The following BBS9 variants were observed in gnomAD, a reference collection of about 807,000 sequenced individuals.
The protein encoded by BBS9 is protein PTHB1.
A neutral mutation model predicts 117.7 loss-of-function variants in BBS9; 89 were observed. That is an observed-to-expected ratio of 0.76 (90% CI 0.64 to 0.90). The LOEUF (loss-of-function observed/expected upper bound fraction) is 0.90. Ranked by LOEUF, BBS9 falls within the 40% of genes least tolerant of loss-of-function variation. BBS9 has a pLI of 0.00. For missense variants in BBS9, 982 were observed against 1,042.2 expected (o/e 0.94, Z 0.80); for synonymous variants, 379 against 370.9 (o/e 1.02, Z -0.25).
At chr7:33,364,737 C>T (rs1203439205) in intron 16 of BBS9, among the ~76,000 whole-genome samples, 6 of 139,576 alleles carry the variant, frequency 4.3e-5, no homozygotes, top group Non-Finnish European at 7.7e-5. Flanking sequence ...CTCCTCTCAC[C>T]TCCCCTCCTC....
At chr7:33,426,747 T>C (rs1833716319) in intron 19 of BBS9, among the ~76,000 whole-genome samples, 3 of 152,160 alleles carry the variant, frequency 2.0e-5, no homozygotes, top group South Asian at 2.1e-4. Flanking sequence ...AGAGGAGCGG[T>C]CAGGGAGAGA....
intron 19 of BBS9, among the ~76,000 whole-genome samples, chr7:33,404,256 A>G (rs907532895): frequency 2.0e-5 from 3 of 151,994 alleles, no homozygotes; most frequent in Non-Finnish European, 4.4e-5. Context: ...GCCTTGTAGT[A>G]TAGTTTGAAG....
intron 9 of BBS9, among the ~76,000 whole-genome samples, chr7:33,332,626 G>A (rs950622722): frequency 2.6e-5 from 4 of 152,180 alleles, no homozygotes; most frequent in Admixed American, 6.5e-5. Flanking sequence ...GCAGTGAGCT[G>A]AGATCACGCC....
In BBS9 at chr7:33,349,090, T is replaced by C. The variant is rs773192233; in HGVS notation, c.1352T>C (p.Ile451Thr). 5.5e-5 allele frequency: 88 copies of C among 1,610,666 alleles called. No individual in the cohort carries two copies. The highest frequency in any genetic ancestry group is 7.4e-5 in the Non-Finnish European group (87 of 1,177,152). ...TVKVTLQNRVILQKAKLSVYV... is the reference protein window; with the variant it reads ...TVKVTLQNRVTLQKAKLSVYV... ...TAGGTCACACTGCAGAACAGAGTGA[T>C]ATTGCAAAAAGCCAAATTATCAGTC... The change falls in exon 13 of 23, where the codon ATA becomes ACA. Residue 451 changes from isoleucine to threonine, a missense_variant. Ile to Thr is a moderately conservative substitution (Grantham distance 89, BLOSUM62 -1). Coordinates refer to ENST00000242067, the MANE Select transcript of BBS9 (RefSeq NM_198428.3).
At chr7:33,302,709 T>G (rs942187427) in intron 9 of BBS9, among the ~76,000 whole-genome samples, 9 of 152,190 alleles carry the variant, frequency 5.9e-5, no homozygotes, top group African/African-American at 2.2e-4. Flanking sequence ...AGTCAGGTAA[T>G]GTGATTCTTT....
chr7:33,591,533 T>A (rs1163992729), intron 21 of BBS9, among the ~76,000 whole-genome samples: 1 of 152,036 alleles, frequency 6.6e-6, no homozygotes, highest in African/African-American at 2.4e-5. Context: ...CCAACACCCG[T>A]AAAGTATTCA....
chr7:33,513,828 A>G (rs894999818), intron 20 of BBS9, among the ~76,000 whole-genome samples: 11 of 152,232 alleles, frequency 7.2e-5, no homozygotes, highest in African/African-American at 2.7e-4. Context: ...CTTCACCTAT[A>G]TTGATTTAGC....
chr7:33,405,965 T>G (rs1829891823), intron 19 of BBS9, among the ~76,000 whole-genome samples: 1 of 152,208 alleles, frequency 6.6e-6, no homozygotes, highest in South Asian at 2.1e-4. Context: ...CTTTCCTGCT[T>G]TCTCTTGTGG....
chr7:33,181,330 A>G (rs1338497913), intron 5 of BBS9, among the ~76,000 whole-genome samples: 3 of 152,194 alleles, frequency 2.0e-5, no homozygotes, highest in Non-Finnish European at 2.9e-5. Flanking sequence ...AGACATTTCT[A>G]TATACTTCTT....
intron 9 of BBS9, among the ~76,000 whole-genome samples, chr7:33,282,430 T>A (rs747388800): frequency 6.6e-6 from 1 of 152,190 alleles, no homozygotes; most frequent in Non-Finnish European, 1.5e-5. Context: ...TGGAGTGCAG[T>A]GGCGTGATCT....
chr7:33,567,175 A>G (rs371972650), intron 21 of BBS9, among the ~76,000 whole-genome samples: 73 of 152,264 alleles, frequency 4.8e-4, no homozygotes, highest in African/African-American at 1.6e-3. Flanking sequence ...CTGAAGTTCT[A>G]TCTTTGTGCG....
intron 9 of BBS9, among the ~76,000 whole-genome samples, chr7:33,306,712 C>T (rs760404684): frequency 6.6e-6 from 1 of 152,034 alleles, no homozygotes; most frequent in African/African-American, 2.4e-5. Flanking sequence ...ATTGTTATTA[C>T]CTAGAATCCA....
At chr7:33,177,641 A>G (rs1394450753) in intron 5 of BBS9, 50 bp downstream of exon 5, 1 of 1,258,128 alleles carries the variant, frequency 7.9e-7, no homozygotes, top group Non-Finnish European at 1.2e-6. Flanking sequence ...CAGATTTAGA[A>G]TATTTGGTCA....
Position 33,340,979 on chromosome 7 carries a change from T to C in BBS9, c.1275+6T>C. 2.5e-6 allele frequency: 4 copies of C among 1,611,852 alleles called. No individual in the cohort carries two copies. The highest frequency in any genetic ancestry group is 1.7e-5 in the Admixed American group (1 of 60,006). ...CTAACTTTGATTCAGTTTCTGTAGG[T>C]GTACTTGCAGATTTTAAAGGGGTTT... On this transcript the variant is annotated splice_donor_region_variant and intron_variant, in intron 11 of 22. Transcript: ENST00000242067.
chr7:33,422,787 A>G (rs996489369), intron 19 of BBS9, among the ~76,000 whole-genome samples: 1 of 152,100 alleles, frequency 6.6e-6, no homozygotes, highest in Non-Finnish European at 1.5e-5. Context: ...TTTATTTTTT[A>G]AAAATAAAGA....
At chr7:33,308,867 A>C (rs976831511) in intron 9 of BBS9, among the ~76,000 whole-genome samples, 1 of 152,186 alleles carries the variant, frequency 6.6e-6, no homozygotes, top group African/African-American at 2.4e-5. Flanking sequence ...CACCAACTAT[A>C]CACATATGAA....
At chr7:33,136,754 A>G (rs1159448880) in intron 1 of BBS9, among the ~76,000 whole-genome samples, 1 of 152,194 alleles carries the variant, frequency 6.6e-6, no homozygotes, top group Non-Finnish European at 1.5e-5. Context: ...GGATTTTTGC[A>G]TCCATATGCA....
chr7:33,568,867 G>A (rs1857321485), intron 21 of BBS9, among the ~76,000 whole-genome samples: 1 of 152,170 alleles, frequency 6.6e-6, no homozygotes, highest in African/African-American at 2.4e-5. Context: ...AGAAACTAAA[G>A]AGATTGGTTA....
chr7:33,142,866 A>G (rs1445242273), intron 1 of BBS9, among the ~76,000 whole-genome samples: 3 of 152,174 alleles, frequency 2.0e-5, no homozygotes, highest in African/African-American at 4.8e-5. Context: ...GTTATTGTGA[A>G]TTATGATACA....
Sources: gnomAD v4.1 joint callset for allele counts (sites outside exome capture counted in the v4.1 genomes callset) on GRCh38, gnomAD v4.1.1 for gene constraint, MANE v1.5 for transcripts, NCBI Gene and HGNC (gene_info 2026-07-23, HGNC 2026-07-21) for gene names.